The following KPNA4 variants were observed in gnomAD, a reference collection of about 807,000 sequenced individuals.
KPNA4 encodes importin subunit alpha-3.
KPNA4 carries 13 observed loss-of-function variants against 71.3 expected under a neutral mutation model. That is an observed-to-expected ratio of 0.18 (90% CI 0.12 to 0.29). The LOEUF (loss-of-function observed/expected upper bound fraction) is 0.29, where lower values mean the gene tolerates loss of function less well. KPNA4 is among the 10% of genes least tolerant of loss of function. The pLI is 1.00. For synonymous variants in KPNA4, 189 were observed against 195.2 expected (o/e 0.97, Z 0.26); for missense variants, 334 against 603.2 (o/e 0.55, Z 4.67).
In KPNA4 at chr3:160,500,722, T is replaced by C. The variant is rs908804151; in HGVS notation, c.*1382A>G. The C allele has an allele frequency of 1.3e-5, 2 of 152,606 alleles. No individual in the cohort carries two copies. The highest frequency in any genetic ancestry group is 2.4e-5 in the African/African-American group (1 of 41,448). 9.5% of individuals were successfully genotyped at this position (152,606 alleles called of 1,614,324 possible). ...CTAAGATAAAAAGATTCTAAAACAA[T>C]TGAACAGATTAGGCATATTATTAAA... On this transcript the variant is annotated 3_prime_UTR_variant, in exon 17 of 17. Coordinates refer to ENST00000334256, the MANE Select transcript of KPNA4 (RefSeq NM_002268.5).
rs987681734 is a variant in KPNA4, at chr3:160,500,238, T to G, written c.*1866A>C. The G allele has an allele frequency of 6.6e-5, 10 of 152,604 alleles. No homozygotes were observed. Among genetic ancestry groups the G allele is most frequent in the African/African-American group, 2.2e-4 (9 of 41,436 alleles). 9.5% of individuals were successfully genotyped at this position (152,604 alleles called of 1,614,324 possible). Reference sequence around the variant, plus strand: ...AGCCTGCACTCTACTTGGATAAATTTTACAAGCTAGTTTTCTGCTGCTTCT... The same window carrying G: ...AGCCTGCACTCTACTTGGATAAATTGTACAAGCTAGTTTTCTGCTGCTTCT... On this transcript the variant is annotated 3_prime_UTR_variant, in exon 17 of 17. Transcript: ENST00000334256.
Position 160,565,531 on chromosome 3 carries a change from G to A in KPNA4, c.-249C>T, listed in dbSNP as rs1039885151. The A allele has an allele frequency of 5.5e-6, 3 of 541,682 alleles. No individual in the cohort carries two copies. The highest frequency in any genetic ancestry group is 2.3e-5 in the South Asian group (1 of 42,766). The allele number at this position is 541,682 out of a possible 1,614,324, so 33.6% of individuals were successfully genotyped here. On this transcript the variant is annotated 5_prime_UTR_variant, in exon 1 of 17. Transcript: ENST00000334256. ...TGGGGCCGGGCGGCGGCAAGGCGAC[G>A]GAATGTGCTGCCGGCTGAGAGGGGG...
intron 1 of KPNA4, among the ~76,000 whole-genome samples, chr3:160,556,892 A>G (rs1402646448): frequency 6.6e-6 from 1 of 152,212 alleles, no homozygotes; most frequent in Non-Finnish European, 1.5e-5. Flanking sequence ...AGTAAAATGA[A>G]CATCTCCACA....
intron 1 of KPNA4, among the ~76,000 whole-genome samples, chr3:160,556,413 G>T (rs746951725): frequency 5.3e-5 from 8 of 152,152 alleles, no homozygotes; most frequent in Non-Finnish European, 1.0e-4. Context: ...CCATCCTAGT[G>T]GGTGTAAAGT....
In KPNA4 at chr3:160,495,664, G is replaced by A. The variant is rs1577040325; in HGVS notation, c.*6440C>T. The A allele has an allele frequency of 6.6e-6, 1 of 151,586 alleles. No homozygotes were observed. The highest frequency in any genetic ancestry group is 2.4e-5 in the African/African-American group (1 of 41,212). 9.4% of individuals were successfully genotyped at this position (151,586 alleles called of 1,614,324 possible). The stretch of plus-strand genomic sequence containing the variant: ...TATAATACTGACATGGCAGAAGTGC[G>A]AGTTTTATCAGTGATACACATTGTG... On this transcript the variant is annotated 3_prime_UTR_variant, in exon 17 of 17. Transcript: ENST00000334256.
chr3:160,499,054 C>T lies in KPNA4; in HGVS notation c.*3050G>A, dbSNP rs939328769. 2 of 152,142 alleles carry T rather than the reference C, an allele frequency of 1.3e-5. No homozygotes were observed. The highest frequency in any genetic ancestry group is 4.8e-5 in the African/African-American group (2 of 41,438). The allele number at this position is 152,142 out of a possible 1,614,324, so 9.4% of individuals were successfully genotyped here. On this transcript the variant is annotated 3_prime_UTR_variant, in exon 17 of 17. Transcript: ENST00000334256. ...ATACCTTTAAAGAAACAAACAACTC[C>T]TCACCCTATGAAGTGCTGCTGAGGT... is the stretch of plus-strand genomic sequence containing the variant.
intron 11 of KPNA4, among the ~76,000 whole-genome samples, chr3:160,518,517 T>C (rs1444293323): frequency 1.3e-5 from 2 of 151,428 alleles, no homozygotes; most frequent in Admixed American, 6.6e-5. Context: ...CTTGCCCATC[T>C]GTTGAAAAGG....
At chr3:160,555,940 T>A (rs1290947917) in intron 1 of KPNA4, among the ~76,000 whole-genome samples, 1 of 152,220 alleles carries the variant, frequency 6.6e-6, no homozygotes, top group African/African-American at 2.4e-5. Context: ...CAAGTGATTC[T>A]CCTGCCTCAG....
chr3:160,557,777 C>T (rs753581234), intron 1 of KPNA4, among the ~76,000 whole-genome samples: 12 of 152,138 alleles, frequency 7.9e-5, no homozygotes, highest in Non-Finnish European at 1.3e-4. Context: ...TGGGCTCAAG[C>T]GATCCTCCTG....
intron 7 of KPNA4, among the ~76,000 whole-genome samples, chr3:160,530,633 C>A (rs987303360): frequency 6.6e-6 from 1 of 152,018 alleles, no homozygotes; most frequent in African/African-American, 2.4e-5. Flanking sequence ...AGGAAATGTT[C>A]TCATATTTAG....
intron 1 of KPNA4, among the ~76,000 whole-genome samples, chr3:160,558,248 C>A (rs1172621396): frequency 6.6e-6 from 1 of 152,150 alleles, no homozygotes; most frequent in Non-Finnish European, 1.5e-5. Flanking sequence ...TTTCAGGTGA[C>A]TGTTAAATAA....
At position 160,496,117 on chromosome 3, in the gene KPNA4, A is replaced by C. The variant is rs1560040942; in HGVS notation, c.*5987T>G. On this transcript the variant is annotated 3_prime_UTR_variant, in exon 17 of 17. Transcript: ENST00000334256. ...AGCCTGGCCAACGTGGTGAAACCCC[A>C]TCTCTACTAAAAATACAAAAATTAG... 1.3e-5 allele frequency: 2 copies of C among 152,146 alleles called. No homozygotes were observed. Among genetic ancestry groups the C allele is most frequent in the South Asian group, 2.1e-4 (1 of 4,820 alleles). 9.4% of individuals were successfully genotyped at this position (152,146 alleles called of 1,614,324 possible). A position where few individuals can be genotyped will look rare whatever the true frequency, so the allele number is the denominator to read the frequency against.
intron 11 of KPNA4, among the ~76,000 whole-genome samples, chr3:160,520,143 C>G (rs1420692778): frequency 6.6e-6 from 1 of 152,086 alleles, no homozygotes; most frequent in East Asian, 1.9e-4. Context: ...AACCAAAATT[C>G]TGTACCAAGA....
At chr3:160,544,964 T>G (rs1361918100) in intron 1 of KPNA4, among the ~76,000 whole-genome samples, 1 of 152,188 alleles carries the variant, frequency 6.6e-6, no homozygotes, top group South Asian at 2.1e-4. Context: ...CTGGAGAGAA[T>G]AGAAATCATT....
intron 12 of KPNA4, among the ~76,000 whole-genome samples, 170 bp from the exon 13 acceptor site, chr3:160,514,351 G>C (rs1358497940): frequency 6.6e-6 from 1 of 152,074 alleles, no homozygotes; most frequent in Non-Finnish European, 1.5e-5. Context: ...ATTTTCTTTG[G>C]ACAAACAGCT....
In KPNA4 at chr3:160,495,686, T is replaced by G. The variant is rs897073820; in HGVS notation, c.*6418A>C. On this transcript the variant is annotated 3_prime_UTR_variant, in exon 17 of 17. Transcript: ENST00000334256. ...TGCGAGTTTTATCAGTGATACACAT[T>G]GTGTACTGCATTGGGGGCTTACTAG... 2 of 151,316 alleles carry G rather than the reference T, an allele frequency of 1.3e-5. No individual in the cohort carries two copies. The highest frequency in any genetic ancestry group is 4.9e-5 in the African/African-American group (2 of 41,090). The allele number at this position is 151,316 out of a possible 1,614,324, so 9.4% of individuals were successfully genotyped here.
chr3:160,513,899 G>T (rs1256821224), intron 13 of KPNA4, among the ~76,000 whole-genome samples, 178 bp downstream of exon 13: 2 of 151,434 alleles, frequency 1.3e-5, no homozygotes, highest in African/African-American at 4.9e-5. Flanking sequence ...CCCCCAAAAA[G>T]TTTCTTGTAT....
chr3:160,509,001 T>C (rs1324977822), intron 14 of KPNA4, among the ~76,000 whole-genome samples: 1 of 152,228 alleles, frequency 6.6e-6, no homozygotes, highest in African/African-American at 2.4e-5. Flanking sequence ...TCTGTATTTA[T>C]GTGAATTCAC....
In KPNA4 at chr3:160,497,917, T is replaced by G. The variant is rs1039244316; in HGVS notation, c.*4187A>C. 6 of 152,202 alleles carry G rather than the reference T, an allele frequency of 3.9e-5. No individual in the cohort carries two copies. Among genetic ancestry groups the G allele is most frequent in the African/African-American group, 1.4e-4 (6 of 41,444 alleles). 9.4% of individuals were successfully genotyped at this position (152,202 alleles called of 1,614,324 possible). On this transcript the variant is annotated 3_prime_UTR_variant, in exon 17 of 17. Coordinates refer to ENST00000334256, the MANE Select transcript of KPNA4 (RefSeq NM_002268.5). The stretch of plus-strand genomic sequence containing the variant: ...AAAAGGTCAACTAATTTCAAAACTC[T>G]TAGGCAAGCTTCTATAACAATGTTA...
Sources: allele counts gnomAD v4.1 joint callset (sites outside exome capture counted in the v4.1 genomes callset), GRCh38; gene constraint gnomAD v4.1.1; transcripts MANE v1.5; gene names NCBI Gene and HGNC (gene_info 2026-07-23, HGNC 2026-07-21).